The following ABCB1 variants were observed in gnomAD, a reference collection of about 807,000 sequenced individuals.
ABCB1 encodes the protein ATP-dependent translocase ABCB1.
In ABCB1, 69 loss-of-function variants were observed where a neutral mutation model predicts 142.0. The ratio of observed to expected loss-of-function variants is 0.49; its 90% CI spans 0.40 to 0.59. ABCB1 has a LOEUF of 0.59. ABCB1 is among the 20% of genes least tolerant of loss of function. The pLI is 0.00. For missense variants in ABCB1, 1,326 were observed against 1,554.7 expected, an observed-to-expected ratio of 0.85 and a Z score of 2.47; for synonymous variants, 532 against 539.2, an observed-to-expected ratio of 0.99 and a Z score of 0.18.
chr7:87,545,748 G>T, intron 15 of ABCB1, 115 bp downstream of exon 15: 2 of 1,110,696 alleles, frequency 1.8e-6, no homozygotes, highest in Non-Finnish European at 2.6e-6. Flanking sequence ...AATCCCCCAG[G>T]TGTTGTTTCC....
At chr7:87,707,431 T>TGG (rs1304054889) in intron 1 of ABCB1, among the ~76,000 whole-genome samples, 3 of 152,176 alleles carry the variant, frequency 2.0e-5, no homozygotes, top group African/African-American at 7.2e-5. Flanking sequence ...CCCAGCACTT[T>TGG]GGGAGACCAA....
chr7:87,525,343 G>A (rs1411565244), intron 21 of ABCB1, among the ~76,000 whole-genome samples: 1 of 151,974 alleles, frequency 6.6e-6, no homozygotes, highest in Non-Finnish European at 1.5e-5. Flanking sequence ...CAAGTTTATG[G>A]CTTTTATTTC....
At position 87,549,882 on chromosome 7, in the gene ABCB1, T is replaced by C. The variant is rs535338471; in HGVS notation, c.1523A>G (p.Asn508Ser). ...CAGTTTCATGATAAAGTCATAGGCA[T>C]TGGCTTCCTTGACAGCTTTCTCAAT... The part of the protein sequence containing the change: ...DEIEKAVKEA[N>S]AYDFIMKLPH... The change falls in exon 13 of 28, where the codon AAT becomes AGT. Residue 508 changes from asparagine to serine, a missense_variant. Transcript: ENST00000622132. 8 of 1,614,216 alleles carry C rather than the reference T, an allele frequency of 5.0e-6. No homozygotes were observed. The highest frequency in any genetic ancestry group is 3.3e-5 in the Admixed American group (2 of 60,022).
intron 1 of ABCB1, among the ~76,000 whole-genome samples, chr7:87,703,914 G>GTTTTTTTTTTTTTTTTTTTTTTTTT (rs35797972): frequency 2.1e-4 from 9 of 42,972 alleles, no homozygotes; most frequent in South Asian, 8.5e-4. Context: ...TTTTTTTTTG[G>GTTTTTTTTTTTTTTTTTTTTTTTTT]TTTTTTTTTT....
intron 1 of ABCB1, among the ~76,000 whole-genome samples, chr7:87,643,342 AT>A (rs1822642261): frequency 6.6e-6 from 1 of 152,186 alleles, no homozygotes; most frequent in Admixed American, 6.5e-5. Flanking sequence ...TTTGGTTCCA[AT>A]AAAAGTTTAT....
chr7:87,646,904 A>G (rs972572055), intron 1 of ABCB1, among the ~76,000 whole-genome samples: 5 of 152,148 alleles, frequency 3.3e-5, no homozygotes, highest in Non-Finnish European at 7.4e-5. Context: ...TAGGTACAAG[A>G]AACTAACTTT....
intron 3 of ABCB1, among the ~76,000 whole-genome samples, 160 bp downstream of exon 3, chr7:87,595,606 A>G (rs1819169250): frequency 2.0e-5 from 3 of 152,168 alleles, no homozygotes; most frequent in Non-Finnish European, 4.4e-5. Context: ...AGTTATGATC[A>G]GCATTCTCCT....
At chr7:87,600,443 C>T (rs1041355804) in intron 1 of ABCB1, among the ~76,000 whole-genome samples, 1 of 152,182 alleles carries the variant, frequency 6.6e-6, no homozygotes, top group African/African-American at 2.4e-5. Flanking sequence ...TGCGATTCTC[C>T]CTCCCGGTTC....
chr7:87,523,106 A>C (rs993711547), intron 21 of ABCB1, among the ~76,000 whole-genome samples: 1 of 151,824 alleles, frequency 6.6e-6, no homozygotes, highest in Non-Finnish European at 1.5e-5. Flanking sequence ...AAGAAAACTA[A>C]CTTTTTTTTT....
chr7:87,628,293 G>C (rs1209991542), intron 1 of ABCB1: 1 of 152,250 alleles, frequency 6.6e-6, no homozygotes, highest in Non-Finnish European at 1.5e-5. Context: ...AAAGGTCCGC[G>C]CGGCCGGCCC....
At chr7:87,518,997 G>A (rs1815369344) in intron 23 of ABCB1, 1 of 347,792 alleles carries the variant, frequency 2.9e-6, no homozygotes, top group Admixed American at 4.4e-5. Flanking sequence ...TCCTTTAAAA[G>A]GAGCCAGTCA....
At chr7:87,636,597 G>A (rs1821800052) in intron 1 of ABCB1, among the ~76,000 whole-genome samples, 1 of 152,130 alleles carries the variant, frequency 6.6e-6, no homozygotes, top group African/African-American at 2.4e-5. Flanking sequence ...CATGGTTAAT[G>A]CTTACTGTAA....
chr7:87,553,198 T>C (rs1348064729), intron 9 of ABCB1, among the ~76,000 whole-genome samples: 2 of 152,180 alleles, frequency 1.3e-5, no homozygotes, highest in Non-Finnish European at 2.9e-5. Flanking sequence ...GTTCATGCTA[T>C]TGAGATTGCT....
intron 1 of ABCB1, among the ~76,000 whole-genome samples, chr7:87,709,912 T>C (rs954099091): frequency 6.6e-6 from 1 of 152,208 alleles, no homozygotes; most frequent in African/African-American, 2.4e-5. Context: ...TAATTACTTT[T>C]AGTAAGAATT....
At chr7:87,689,522 C>G (rs1043110001) in intron 1 of ABCB1, among the ~76,000 whole-genome samples, 3 of 152,040 alleles carry the variant, frequency 2.0e-5, no homozygotes, top group Non-Finnish European at 1.5e-5. Context: ...GCTAATATTA[C>G]TTTAGCTAAT....
At chr7:87,524,444 G>A (rs1476892933) in intron 21 of ABCB1, among the ~76,000 whole-genome samples, 1 of 152,074 alleles carries the variant, frequency 6.6e-6, no homozygotes, top group Non-Finnish European at 1.5e-5. Context: ...CCTTTTGTCA[G>A]ACACATTAGA....
chr7:87,702,142 C>CAAAAAAAA lies in ABCB1; in HGVS notation c.-331+11011_-331+11018dup, dbSNP rs146127516. On this transcript the variant is annotated intron_variant, in intron 1 of 28. Coordinates refer to the ABCB1 transcript ENST00000265724. The stretch of plus-strand genomic sequence containing the variant: ...TGGGCAAAAGAGCGAGACTCTGTCT[C>CAAAAAAAA]AAAAAAAAAAAAAAAAAAAAAAAAA... 1.8e-3 allele frequency among the ~76,000 whole-genome samples: 30 copies of CAAAAAAAA among 16,776 alleles called. 5 individuals are homozygous for CAAAAAAAA. Among genetic ancestry groups the CAAAAAAAA allele is most frequent in the East Asian group, 0.013 (5 of 376 alleles). The allele number at this position is 16,776 out of a possible 152,430, so 11.0% of individuals were successfully genotyped here.
At chr7:87,650,878 C>G in intron 1 of ABCB1, 1 of 1,613,130 alleles carries the variant, frequency 6.2e-7, no homozygotes, top group East Asian at 2.2e-5. Context: ...GATGATTCTT[C>G]TCCTGAATTT....
At chr7:87,584,679 T>C (rs1234422760) in intron 4 of ABCB1, among the ~76,000 whole-genome samples, 1 of 152,146 alleles carries the variant, frequency 6.6e-6, no homozygotes, top group Non-Finnish European at 1.5e-5. Context: ...TTCTCCTGCT[T>C]CCTACTTCAC....
Sources: allele counts gnomAD v4.1 joint callset (sites outside exome capture counted in the v4.1 genomes callset), GRCh38; gene constraint gnomAD v4.1.1; transcripts MANE v1.5; gene names NCBI Gene and HGNC (gene_info 2026-07-23, HGNC 2026-07-21).